Variants in PDE1A observed in about 807,000 individuals in gnomAD.
The protein encoded by PDE1A is dual specificity calcium/calmodulin-dependent 3',5'-cyclic nucleotide phosphodiesterase 1A.
In PDE1A, 35 loss-of-function variants were observed where a neutral mutation model predicts 61.7. The observed-to-expected ratio is 0.57, with a 90% CI of 0.43 to 0.75. The LOEUF is 0.75. Ranked by LOEUF, PDE1A falls within the 30% of genes least tolerant of loss-of-function variation. The pLI is 0.00. For synonymous variants in PDE1A, 232 were observed against 213.2 expected (o/e 1.09, Z -0.77); for missense variants, 597 against 630.6 (o/e 0.95, Z 0.57).
At chr2:182,283,859 G>A (rs908244627) in intron 1 of PDE1A, among the ~76,000 whole-genome samples, 1 of 152,112 alleles carries the variant, frequency 6.6e-6, no homozygotes, top group Non-Finnish European at 1.5e-5. Context: ...GTCATGGCTT[G>A]TAAAAGATTA....
chr2:182,368,256 T>A (rs1294415591), intron 1 of PDE1A, among the ~76,000 whole-genome samples: 2 of 152,130 alleles, frequency 1.3e-5, no homozygotes, highest in South Asian at 2.1e-4. Context: ...CTTAGTATCA[T>A]CAAATATGGA....
intron 2 of PDE1A, among the ~76,000 whole-genome samples, chr2:182,484,187 A>T (rs1261005830): frequency 2.0e-5 from 3 of 152,012 alleles, no homozygotes; most frequent in Admixed American, 2.0e-4. Flanking sequence ...AGGAAATAAT[A>T]CTAATCCTAC....
chr2:182,609,678 T>C, the PDE1A span, among the ~76,000 whole-genome samples: 2 of 152,220 alleles, frequency 1.3e-5, no homozygotes, highest in South Asian at 2.1e-4. Flanking sequence ...CTTTAAGAAC[T>C]GTAACACTCA....
At chr2:182,185,174 T>G (rs984039517) in intron 13 of PDE1A, among the ~76,000 whole-genome samples, 1 of 152,120 alleles carries the variant, frequency 6.6e-6, no homozygotes, top group African/African-American at 2.4e-5. Context: ...CCCTGGAGTA[T>G]TTTAAGAAAC....
At position 182,340,925 on chromosome 2, in the gene PDE1A, G is replaced by A. The variant is rs115219658; in HGVS notation, c.54-76511C>T. On this transcript the variant is annotated intron_variant, in intron 1 of 13. Coordinates refer to ENST00000351439, the Ensembl canonical transcript of PDE1A. ...TTTGTAAAATGGAGAGTTTGGATAC[G>A]TAATTTAACTTCTAAGGTGTCTTCC... is the stretch of plus-strand genomic sequence containing the variant. Among the ~76,000 whole-genome samples the A allele has an allele frequency of 5.8e-3, 879 of 152,246 alleles. 12 individuals are homozygous for A. Among genetic ancestry groups the A allele is most frequent in the Non-Finnish European group, 9.6e-3 (656 of 68,010 alleles).
chr2:182,145,580 T>A (rs1453483871), downstream of PDE1A, among the ~76,000 whole-genome samples: 1 of 151,710 alleles, frequency 6.6e-6, no homozygotes, highest in African/African-American at 2.4e-5. Flanking sequence ...TACAAAAAAA[T>A]TAGCCAGGCT....
chr2:182,481,340 C>T (rs1417587014), intron 2 of PDE1A, among the ~76,000 whole-genome samples: 1 of 151,786 alleles, frequency 6.6e-6, no homozygotes, highest in Non-Finnish European at 1.5e-5. Flanking sequence ...AACAAGTGAA[C>T]CTCCCTGTCA....
At chr2:182,508,651 C>T (rs1354878919) in intron 2 of PDE1A, among the ~76,000 whole-genome samples, 1 of 150,880 alleles carries the variant, frequency 6.6e-6, no homozygotes. Context: ...ACTAGCATAG[C>T]ATTTTTAACA....
At position 182,361,892 on chromosome 2, in the gene PDE1A, A is replaced by G. The variant is rs1282756641; in HGVS notation, c.53+64686T>C. ...CCAGGGAGGCTCCTGCTTTTCCCCA[A>G]CTGCCAAGTTCTTTGATTGAGGACA... On this transcript the variant is annotated intron_variant, in intron 1 of 13. Coordinates refer to ENST00000351439, the Ensembl canonical transcript of PDE1A. 2.0e-5 allele frequency among the ~76,000 whole-genome samples: 3 copies of G among 152,140 alleles called. No individual in the cohort carries two copies. The East Asian group carries it at 5.8e-4, about 29-fold the overall frequency.
At chr2:182,499,116 T>C (rs1481754844) in intron 2 of PDE1A, among the ~76,000 whole-genome samples, 6 of 149,538 alleles carry the variant, frequency 4.0e-5, no homozygotes, top group African/African-American at 1.5e-4. Context: ...GCCTTCCAAG[T>C]AGCTGGGATT....
intron 13 of PDE1A, among the ~76,000 whole-genome samples, chr2:182,177,135 G>T: frequency 6.6e-6 from 1 of 150,684 alleles, no homozygotes; most frequent in Non-Finnish European, 1.5e-5. Context: ...AAGGATATTG[G>T]TCTAAAATTC....
At chr2:182,524,987 T>C (rs563911929), upstream of PDE1A, among the ~76,000 whole-genome samples, 1 of 151,982 alleles carries the variant, frequency 6.6e-6, no homozygotes, top group East Asian at 1.9e-4. Context: ...CAAAATGTAA[T>C]ATAACATATA....
upstream of PDE1A, chr2:182,427,095 A>AG: frequency 1.2e-6 from 1 of 852,268 alleles, no homozygotes; most frequent in Non-Finnish European, 1.4e-6. Flanking sequence ...TTTTTCTTCA[A>AG]AATAAAAGTT....
At chr2:182,448,119 C>T (rs879782868) in intron 2 of PDE1A, among the ~76,000 whole-genome samples, 1 of 152,102 alleles carries the variant, frequency 6.6e-6, no homozygotes, top group East Asian at 1.9e-4. Flanking sequence ...CTCAGTGAAA[C>T]TTCTTTTAAT....
At chr2:182,667,501 G>A in the PDE1A span, among the ~76,000 whole-genome samples, 2 of 152,174 alleles carry the variant, frequency 1.3e-5, no homozygotes, top group East Asian at 3.8e-4. Context: ...TCACTAATGT[G>A]TTTCTCACTG....
chr2:182,340,760 T>C (rs1342636281), intron 1 of PDE1A, among the ~76,000 whole-genome samples: 1 of 152,234 alleles, frequency 6.6e-6, no homozygotes, highest in Non-Finnish European at 1.5e-5. Flanking sequence ...TTAATGATGA[T>C]GAATGTTTTA....
chr2:182,232,919 G>C (rs1022434991), intron 4 of PDE1A, among the ~76,000 whole-genome samples: 1 of 152,096 alleles, frequency 6.6e-6, no homozygotes, highest in African/African-American at 2.4e-5. Flanking sequence ...CAGATGCTTG[G>C]CTTTTATGTC....
chr2:182,386,231 A>C (rs1001890850), intron 1 of PDE1A, among the ~76,000 whole-genome samples: 1 of 152,000 alleles, frequency 6.6e-6, no homozygotes, highest in Non-Finnish European at 1.5e-5. Flanking sequence ...TTGGCCTCCC[A>C]AAGTGCCGAG....
chr2:182,705,219 C>T, the PDE1A span, among the ~76,000 whole-genome samples: 1 of 152,014 alleles, frequency 6.6e-6, no homozygotes, highest in Non-Finnish European at 1.5e-5. Context: ...CTTTTCTTTC[C>T]CAGTATAAAT....
Sources: gnomAD v4.1 joint callset for allele counts (sites outside exome capture counted in the v4.1 genomes callset) on GRCh38, gnomAD v4.1.1 for gene constraint, MANE v1.5 for transcripts, NCBI Gene and HGNC (gene_info 2026-07-23, HGNC 2026-07-21) for gene names.